ZFP64: variants seen among roughly 807,000 people sequenced by gnomAD.
ZFP64 encodes zinc finger protein 64.
Under a neutral mutation model 51.6 loss-of-function variants are expected in ZFP64, and 14 were observed. The observed-to-expected ratio is 0.27, with a 90% CI of 0.18 to 0.42. The LOEUF is 0.42. ZFP64 is among the 10% of genes least tolerant of loss of function. The pLI is 1.00. For missense variants in ZFP64, 754 were observed against 906.8 expected (o/e 0.83, Z 2.16); for synonymous variants, 375 against 361.4 (o/e 1.04, Z -0.43).
At chr20:52,088,725 A>G in intron 7 of ZFP64, 5 of 1,586,612 alleles carry the variant, frequency 3.2e-6, no homozygotes, top group South Asian at 1.1e-5. Flanking sequence ...TAGCCTGGGC[A>G]TATGGGTGTG....
chr20:52,115,571 C>T (rs2122830802), intron 5 of ZFP64, among the ~76,000 whole-genome samples: 1 of 151,634 alleles, frequency 6.6e-6, no homozygotes, highest in South Asian at 2.1e-4. Flanking sequence ...CATGCTATCA[C>T]ACCTGGGTAA....
intron 7 of ZFP64, chr20:52,097,147 T>C (rs200685874): frequency 1.9e-5 from 15 of 779,748 alleles, no homozygotes; most frequent in Non-Finnish European, 3.1e-5. Flanking sequence ...GCCACCTTAT[T>C]GCTCTAAGAT....
chr20:52,120,667 CTTTTTTTTTTTT>C lies in ZFP64; in HGVS notation c.764-22092_764-22081del, dbSNP rs11469627. On this transcript the variant is annotated intron_variant, in intron 5 of 8. Transcript: ENST00000361387. ...TATATCTGTTAATGTGATCAGTGAT[CTTTTTTTTTTTT>C]TTTTTTTTTTTTTTTGAGACGGAGT... 1.2e-4 allele frequency among the ~76,000 whole-genome samples: 7 copies of C among 57,436 alleles called. 1 individual carries two copies. Among genetic ancestry groups the C allele is most frequent in the Non-Finnish European group, 1.5e-4 (5 of 33,602 alleles). 37.7% of individuals were successfully genotyped at this position (57,436 alleles called of 152,430 possible).
rs1364492566 is a variant in ZFP64 at position 52,152,581 on chromosome 20, G to A, written c.1611C>T (p.Asn537=). 1.3e-6 allele frequency: 2 copies of A among 1,554,972 alleles called. No homozygotes were observed. Among genetic ancestry groups the A allele is most frequent in the South Asian group, 2.4e-5 (2 of 81,858 alleles). ...VAQNPEELPG[N]SRLQILRQVS... is the part of the protein sequence containing the mutation. ...CCTGGCGCAGGATCTGCAGCCGGCT[G>A]TTCCCTGGGAGTTCCTCTGGGTTCT... Residue 537 remains asparagine (N), a synonymous_variant, in exon 6 of 6, where the codon AAC becomes AAT. Coordinates refer to ENST00000216923, the MANE Select transcript of ZFP64 (RefSeq NM_018197.3).
At chr20:52,097,801 G>A (rs2079006347) in intron 6 of ZFP64, among the ~76,000 whole-genome samples, 1 of 152,084 alleles carries the variant, frequency 6.6e-6, no homozygotes, top group African/African-American at 2.4e-5. Flanking sequence ...TGAGTGTGGT[G>A]GCCCACACCT....
chr20:52,101,752 G>A (rs1261449967), intron 5 of ZFP64, among the ~76,000 whole-genome samples: 1 of 151,736 alleles, frequency 6.6e-6, no homozygotes, highest in East Asian at 1.9e-4. Flanking sequence ...TGATTCTGCT[G>A]TATTACTTGT....
At chr20:52,128,369 C>T (rs1429583724) in intron 5 of ZFP64, among the ~76,000 whole-genome samples, 1 of 152,164 alleles carries the variant, frequency 6.6e-6, no homozygotes, top group African/African-American at 2.4e-5. Context: ...GGTGGTGCCC[C>T]ACCCACCATA....
chr20:52,174,660 C>T (rs1457110079), intron 2 of ZFP64, among the ~76,000 whole-genome samples: 2 of 152,042 alleles, frequency 1.3e-5, no homozygotes, highest in Non-Finnish European at 2.9e-5. Context: ...ATTTTGGTTG[C>T]TGAATAGTTT....
At chr20:52,117,522 G>A (rs1978939641) in intron 5 of ZFP64, 2 of 391,890 alleles carry the variant, frequency 5.1e-6, no homozygotes, top group South Asian at 3.8e-5. Flanking sequence ...GGGAGGCTGA[G>A]GCAGGAGAAT....
chr20:52,123,561 T>C (rs1600728280), intron 5 of ZFP64, among the ~76,000 whole-genome samples: 1 of 152,206 alleles, frequency 6.6e-6, no homozygotes, highest in Admixed American at 6.5e-5. Flanking sequence ...AGATGATCAC[T>C]AGCATTCTTT....
intron 2 of ZFP64, among the ~76,000 whole-genome samples, chr20:52,170,359 G>A (rs1345954431): frequency 6.6e-6 from 1 of 152,154 alleles, no homozygotes; most frequent in African/African-American, 2.4e-5. Flanking sequence ...GGCTGAGGCA[G>A]GAGAATCGCT....
chr20:52,189,037 G>T (rs542859071), intron 1 of ZFP64, among the ~76,000 whole-genome samples: 2 of 152,124 alleles, frequency 1.3e-5, no homozygotes, highest in Non-Finnish European at 2.9e-5. Flanking sequence ...TATAAAGAAG[G>T]GGAAAATCAC....
Position 52,153,105 on chromosome 20 carries a change from G to T in ZFP64, c.1087C>A (p.Arg363Ser), listed in dbSNP as rs766505978. The T allele has an allele frequency of 1.2e-6, 2 of 1,614,190 alleles. No homozygotes were observed. The highest frequency in any genetic ancestry group is 1.7e-5 in the Admixed American group (1 of 60,024). Residue 363 changes from arginine to serine, a missense_variant, in exon 6 of 6, where the codon CGT becomes AGT. By Grantham distance (110) the Arg-to-Ser change is moderately radical (BLOSUM62 -1). This residue lies in a region of ZFP64 where 428 missense variants were observed against 472.4 expected (regional missense o/e 0.91). Coordinates refer to ENST00000216923, the MANE Select transcript of ZFP64 (RefSeq NM_018197.3). The surrounding 1 kb of genome is among the most constrained non-coding windows in gnomAD (Gnocchi z 5.1). ...AAAGGGCGGTCGGTGCAGTGGATAC[G>T]CTCGTGGATGCGCAGGGCGGCCTTG... The part of the protein sequence containing the change: ...SSKAALRIHE[R>S]IHCTDRPFKC...
chr20:52,190,698 G>A (rs928616949), intron 1 of ZFP64, among the ~76,000 whole-genome samples: 3 of 152,156 alleles, frequency 2.0e-5, no homozygotes, highest in East Asian at 1.9e-4. Flanking sequence ...GCTTTTCACA[G>A]TAATGCAAGG....
At chr20:52,084,440 G>A in exon 9 of ZFP64, 1 of 1,029,644 alleles carries the variant, frequency 9.7e-7, no homozygotes, top group Non-Finnish European at 1.4e-6. Flanking sequence ...TGTGAAGTTG[G>A]AGCGGCCAGC....
chr20:52,150,291 T>A (rs948706096), downstream of ZFP64, among the ~76,000 whole-genome samples: 2 of 152,114 alleles, frequency 1.3e-5, no homozygotes, highest in African/African-American at 4.8e-5. Flanking sequence ...TATTAGTAAC[T>A]TCTATTTTTT....
intron 2 of ZFP64, among the ~76,000 whole-genome samples, chr20:52,183,729 T>C (rs1983771959): frequency 6.6e-6 from 1 of 152,216 alleles, no homozygotes; most frequent in African/African-American, 2.4e-5. Flanking sequence ...TCAAAATGTC[T>C]ACTGTTTAAA....
chr20:52,118,808 T>C (rs569191964), intron 5 of ZFP64, among the ~76,000 whole-genome samples: 88 of 152,278 alleles, frequency 5.8e-4, no homozygotes, highest in Non-Finnish European at 1.0e-3. Context: ...AGAGGTGGAT[T>C]TGTAGCCCTG....
At chr20:52,102,253 C>T (rs755373513) in intron 5 of ZFP64, among the ~76,000 whole-genome samples, 4 of 152,080 alleles carry the variant, frequency 2.6e-5, no homozygotes, top group African/African-American at 4.8e-5. Context: ...GGTTCTCAGA[C>T]GTCAGCGTGT....
Sources: allele counts gnomAD v4.1 joint callset (sites outside exome capture counted in the v4.1 genomes callset), GRCh38; gene constraint gnomAD v4.1.1; regional missense constraint gnomAD v4.1.1; non-coding constraint Gnocchi (gnomAD v3.1); transcripts MANE v1.5; gene names NCBI Gene and HGNC (gene_info 2026-07-23, HGNC 2026-07-21).